Variants in CCL2 observed in about 807,000 individuals in gnomAD.
CCL2 encodes C-C motif chemokine 2.
In CCL2, 2 loss-of-function variants were observed where a neutral mutation model predicts 6.7. The ratio of observed to expected loss-of-function variants is 0.30; its 90% CI spans 0.12 to 0.94. The LOEUF (loss-of-function observed/expected upper bound fraction) is 0.94, where lower values mean the gene tolerates loss of function less well. Among genes scored for constraint, CCL2 ranks in the 40% least tolerant of loss-of-function variants. CCL2 has a pLI of 0.54. For missense variants in CCL2, 89 were observed against 119.3 expected, an observed-to-expected ratio of 0.75 and a Z score of 1.18; for synonymous variants, 43 against 45.2, an observed-to-expected ratio of 0.95 and a Z score of 0.19.
chr17:34,256,672 G>C, intron 2 of CCL2, 50 bp from the exon 3 acceptor site: 2 of 1,358,914 alleles, frequency 1.5e-6, no homozygotes, highest in Non-Finnish European at 1.0e-6. Context: ...TGCACTTCTA[G>C]ACCAAAACTG....
rs143644230 is a variant in CCL2, at chr17:34,256,310, C to T, written c.165C>T (p.Thr55=). 43 of 1,613,512 alleles carry T rather than the reference C, an allele frequency of 2.7e-5. No homozygotes were observed. In the African/African-American group the frequency reaches 5.2e-4, roughly 20 times the overall value. The part of the protein sequence containing the change: ...VQRLASYRRI[T]SSKCPKEAVI... ...GGCTCGCGAGCTATAGAAGAATCAC[C>T]AGCAGCAAGTGTCCCAAAGAAGCTG... Residue 55 remains threonine, a synonymous_variant, in exon 2 of 3, where the codon ACC becomes ACT. Transcript: ENST00000225831.
At position 34,256,751 on chromosome 17, in the gene CCL2, G is replaced by A; in HGVS notation, c.224G>A (p.Cys75Tyr). The A allele has an allele frequency of 6.2e-7, 1 of 1,613,746 alleles. No individual in the cohort carries two copies. Among genetic ancestry groups the A allele is most frequent in the East Asian group, 2.2e-5 (1 of 44,872 alleles). The change falls in exon 3 of 3, where the codon TGT becomes TAT. Residue 75 changes from cysteine to tyrosine, a missense_variant. Cys to Tyr is a radical substitution (Grantham distance 194). Transcript: ENST00000225831. ...AAGACCATTGTGGCCAAGGAGATCT[G>A]TGCTGACCCCAAGCAGAAGTGGGTT... ...IFKTIVAKEI[C>Y]ADPKQKWVQD...
intron 1 of CCL2, 155 bp downstream of exon 1, chr17:34,255,580 A>C: frequency 1.7e-6 from 1 of 599,162 alleles, no homozygotes; most frequent in Admixed American, 3.1e-5. Flanking sequence ...CCAACCACAC[A>C]GCTGCTGCTC....
At chr17:34,256,674 C>A in intron 2 of CCL2, 48 bp from the exon 3 acceptor site, 1 of 1,388,106 alleles carries the variant, frequency 7.2e-7, no homozygotes, top group Non-Finnish European at 1.0e-6. Context: ...CACTTCTAGA[C>A]CAAAACTGCA....
intron 1 of CCL2, chr17:34,255,734 G>A: frequency 2.7e-6 from 1 of 365,156 alleles, no homozygotes; most frequent in Non-Finnish European, 5.0e-6. Flanking sequence ...AGAGAGGGTG[G>A]GTGTGTAGGC....
intron 1 of CCL2, 57 bp from the exon 2 acceptor site, chr17:34,256,165 A>C (rs1292277747): frequency 8.4e-6 from 10 of 1,191,158 alleles, no homozygotes; most frequent in Non-Finnish European, 1.2e-5. Context: ...TCTGCTCTTA[A>C]GATCAGAATA....
At chr17:34,256,653 A>C in intron 2 of CCL2, 69 bp from the exon 3 acceptor site, 1 of 1,080,374 alleles carries the variant, frequency 9.3e-7, no homozygotes, top group Non-Finnish European at 1.4e-6. Flanking sequence ...CCTTTGGTGC[A>C]GAATGGGCTG....
chr17:34,256,408 A>C (rs1399649152), intron 2 of CCL2, 69 bp downstream of exon 2: 1 of 1,054,006 alleles, frequency 9.5e-7, no homozygotes, highest in East Asian at 2.4e-5. Context: ...AAGCCTCATA[A>C]ACCTAGAGTC....
rs1309700110 is a variant in CCL2, at chr17:34,256,074, GAGGTAT to G, written c.77-144_77-139del. The stretch of plus-strand genomic sequence containing the variant: ...GGGTCAAAGATCACATTCTAGCTCT[GAGGTAT>G]AGGCAGAAGCACTGGGATTTAATGA... On this transcript the variant is annotated intron_variant, in intron 1 of 2. Transcript: ENST00000225831. The G allele has an allele frequency of 4.6e-5, 28 of 613,526 alleles. No homozygotes were observed. In the African/African-American group the frequency reaches 5.2e-4, roughly 11 times the overall value. The allele number at this position is 613,526 out of a possible 1,614,324, so 38.0% of individuals were successfully genotyped here. A position where few individuals can be genotyped will look rare whatever the true frequency, so the allele number is the denominator to read the frequency against.
intron 1 of CCL2, 126 bp from the exon 2 acceptor site, chr17:34,256,096 G>A (rs910888186): frequency 3.0e-6 from 2 of 666,838 alleles, no homozygotes; most frequent in East Asian, 5.1e-5. Flanking sequence ...GAAGCACTGG[G>A]ATTTAATGAG....
chr17:34,256,009 T>A (rs1907674329), intron 1 of CCL2: 3 of 494,250 alleles, frequency 6.1e-6, no homozygotes, highest in Admixed American at 6.8e-5. Flanking sequence ...CCATTATCAA[T>A]GTTATATACC....
chr17:34,256,085 A>G (rs756521303), intron 1 of CCL2, 137 bp from the exon 2 acceptor site: 17 of 643,394 alleles, frequency 2.6e-5, no homozygotes, highest in Non-Finnish European at 4.5e-5. Flanking sequence ...AGGTATAGGC[A>G]GAAGCACTGG....
At position 34,256,911 on chromosome 17, in the gene CCL2, T is replaced by G. The variant is rs1907706640; in HGVS notation, c.*84T>G. 2.6e-6 allele frequency: 2 copies of G among 769,728 alleles called. No individual in the cohort carries two copies. The allele number at this position is 769,728 out of a possible 1,614,324, so 47.7% of individuals were successfully genotyped here. On this transcript the variant is annotated 3_prime_UTR_variant, in exon 3 of 3. Coordinates refer to ENST00000225831, the MANE Select transcript of CCL2 (RefSeq NM_002982.4). ...GACACCCTGTTTTATTTTATTATAA[T>G]GAATTTTGTTTGTTGATGTGAAACA...
intron 1 of CCL2, 152 bp downstream of exon 1, chr17:34,255,577 C>G (rs1256051766): frequency 3.3e-6 from 2 of 608,312 alleles, no homozygotes; most frequent in Non-Finnish European, 5.7e-6. Flanking sequence ...AGCCCAACCA[C>G]ACAGCTGCTG....
At chr17:34,256,441 A>G (rs1907688393) in intron 2 of CCL2, 102 bp downstream of exon 2, 5 of 816,822 alleles carry the variant, frequency 6.1e-6, no homozygotes, top group Non-Finnish European at 1.0e-5. Context: ...ATTTAACTTA[A>G]TGTACAAAGG....
In CCL2 at chr17:34,255,436, C is replaced by T. The variant is rs771009864; in HGVS notation, c.76+11C>T. 4 of 1,609,856 alleles carry T rather than the reference C, an allele frequency of 2.5e-6. No individual in the cohort carries two copies. The East Asian group carries it at 6.7e-5, about 27-fold the overall frequency. On this transcript the variant is annotated intron_variant, in intron 1 of 2. Transcript: ENST00000225831. ...GGCTCGCTCAGCCAGGTAAGGCCCC[C>T]TCTTCTTCTCCTTGAACCACATTGT...
chr17:34,256,895 T>C lies in CCL2; in HGVS notation c.*68T>C. On this transcript the variant is annotated 3_prime_UTR_variant, in exon 3 of 3. Coordinates refer to ENST00000225831, the MANE Select transcript of CCL2 (RefSeq NM_002982.4). ...CCCCTAGCTTTCCCCAGACACCCTGTTTTATTTTATTATAATGAATTTTGT... is the reference window on the plus strand; with the variant it reads ...CCCCTAGCTTTCCCCAGACACCCTGCTTTATTTTATTATAATGAATTTTGT... 2.3e-6 allele frequency: 2 copies of C among 864,428 alleles called. No individual in the cohort carries two copies. Among genetic ancestry groups the C allele is most frequent in the Non-Finnish European group, 3.7e-6 (2 of 534,132 alleles). 53.5% of individuals were successfully genotyped at this position (864,428 alleles called of 1,614,324 possible). A position where few individuals can be genotyped will look rare whatever the true frequency, so the allele number is the denominator to read the frequency against.
chr17:34,256,185 A>G, intron 1 of CCL2, 37 bp from the exon 2 acceptor site: 1 of 1,371,626 alleles, frequency 7.3e-7, no homozygotes, highest in Non-Finnish European at 1.0e-6. Flanking sequence ...AATCCAGTTC[A>G]TCCTAAAATG....
rs1301041017 is a variant in CCL2, at chr17:34,256,161, C to G, written c.77-61C>G. On this transcript the variant is annotated intron_variant, in intron 1 of 2. Coordinates refer to ENST00000225831, the MANE Select transcript of CCL2 (RefSeq NM_002982.4). ...TTTTTCCTCATGACTCTTTTCTGCT[C>G]TTAAGATCAGAATAATCCAGTTCAT... The G allele has an allele frequency of 6.0e-6, 7 of 1,175,620 alleles. No homozygotes were observed. In the African/African-American group the frequency reaches 1.1e-4, roughly 18 times the overall value. 72.8% of individuals were successfully genotyped at this position (1,175,620 alleles called of 1,614,324 possible).
Sources: gnomAD v4.1 joint callset for allele counts on GRCh38, gnomAD v4.1.1 for gene constraint, MANE v1.5 for transcripts, NCBI Gene and HGNC (gene_info 2026-07-23, HGNC 2026-07-21) for gene names.